Variants in C8orf74 observed in about 807,000 individuals in gnomAD.
C8orf74 encodes the protein uncharacterized protein C8orf74.
In C8orf74, 29 loss-of-function variants were observed where a neutral mutation model predicts 22.2. The observed-to-expected ratio is 1.31, with a 90% CI of 0.97 to 1.78. C8orf74 has a LOEUF of 1.78. Among genes scored for constraint, C8orf74 ranks in the 40% most tolerant of loss-of-function variants. C8orf74 has a pLI of 0.00. For missense variants in C8orf74, 515 were observed against 369.9 expected (o/e 1.39, Z -3.22); for synonymous variants, 255 against 163.1 (o/e 1.56, Z -4.30).
intron 2 of C8orf74, chr8:10,693,062 G>C (rs1008232101): frequency 6.6e-6 from 1 of 152,322 alleles, no homozygotes; most frequent in Non-Finnish European, 1.5e-5. Context: ...CTGGGAGTGG[G>C]ACCCCTGTAG....
rs559799778 is a variant in C8orf74, at chr8:10,691,219, TGTATGACCTCTTAGGAGCAG to T, written c.242-6377_242-6358del. ...CCCAGGACAAGGTCTACACTTGGTT[TGTATGACCTCTTAGGAGCAG>T]GTCACAGCCCATGGCCACAGTGGGG... On this transcript the variant is annotated intron_variant, in intron 2 of 3. Coordinates refer to ENST00000304519, the MANE Select transcript of C8orf74 (RefSeq NM_001040032.2). 205 of 320,712 alleles carry T rather than the reference TGTATGACCTCTTAGGAGCAG, an allele frequency of 6.4e-4. No homozygotes were observed. The East Asian group carries it at 0.012, about 19-fold the overall frequency. The allele number at this position is 320,712 out of a possible 1,614,324, so 19.9% of individuals were successfully genotyped here. A position where few individuals can be genotyped will look rare whatever the true frequency, so the allele number is the denominator to read the frequency against.
intron 2 of C8orf74, among the ~76,000 whole-genome samples, chr8:10,686,914 C>T (rs73666407): frequency 0.02 from 2,983 of 152,260 alleles, 97 homozygotes; most frequent in African/African-American, 0.069. Flanking sequence ...TTTGAGTGAC[C>T]AGGAAAGAAA....
At chr8:10,695,103 G>T (rs900531788) in intron 2 of C8orf74, among the ~76,000 whole-genome samples, 1 of 152,066 alleles carries the variant, frequency 6.6e-6, no homozygotes, top group South Asian at 2.1e-4. Flanking sequence ...GGGAGGGGAA[G>T]GGGAATGGAG....
chr8:10,674,629 C>T lies in C8orf74; in HGVS notation c.49-17C>T. ...CCCCCACATCATACCCTGCAGTTCCCATGTCATTCCCTGCAGAGACCACAA... is the reference window on the plus strand; with the variant it reads ...CCCCCACATCATACCCTGCAGTTCCTATGTCATTCCCTGCAGAGACCACAA... On this transcript the variant is annotated splice_polypyrimidine_tract_variant and intron_variant, in intron 1 of 3. Transcript: ENST00000304519. 3 of 1,595,130 alleles carry T rather than the reference C, an allele frequency of 1.9e-6. No individual in the cohort carries two copies. Among genetic ancestry groups the T allele is most frequent in the South Asian group, 2.3e-5 (2 of 87,288 alleles).
At chr8:10,676,886 C>T (rs1053624296) in intron 2 of C8orf74, among the ~76,000 whole-genome samples, 2 of 152,182 alleles carry the variant, frequency 1.3e-5, no homozygotes, top group Admixed American at 6.5e-5. Context: ...CAGCCGCAAG[C>T]AGGTGGGAAG....
Position 10,678,896 on chromosome 8 carries a change from C to T in C8orf74, c.241+4058C>T, listed in dbSNP as rs1001725078. ...AGGCTGGCCCAGGTGGCGTCCTAGT[C>T]AGCACCTGTGTTCTTACTGCCTTGC... On this transcript the variant is annotated intron_variant, in intron 2 of 3. Transcript: ENST00000304519. Among the ~76,000 whole-genome samples, 3 of 152,224 alleles carry T rather than the reference C, an allele frequency of 2.0e-5. No individual in the cohort carries two copies. In the East Asian group the frequency reaches 5.8e-4, roughly 29 times the overall value.
At position 10,697,832 on chromosome 8, in the gene C8orf74, A is replaced by T. The variant is rs760970080; in HGVS notation, c.475A>T (p.Arg159Trp). 6.2e-6 allele frequency: 10 copies of T among 1,613,794 alleles called. No individual in the cohort carries two copies. The highest frequency in any genetic ancestry group is 8.5e-6 in the Non-Finnish European group (10 of 1,179,794). ...HPLPLAEGMD[R>W]DLWIHEQQVA... is the part of the protein sequence containing the mutation. Reference sequence around the variant, plus strand: ...CCTCCCGCTGGCCGAGGGCATGGACAGGGACTTGTGGATCCACGAGCAGCA... The same window carrying T: ...CCTCCCGCTGGCCGAGGGCATGGACTGGGACTTGTGGATCCACGAGCAGCA... Residue 159 changes from arginine (R) to tryptophan (W), a missense_variant, in exon 3 of 4, where the codon AGG becomes TGG. Coordinates refer to ENST00000304519, the MANE Select transcript of C8orf74 (RefSeq NM_001040032.2).
Position 10,700,261 on chromosome 8 carries a change from A to G in C8orf74, c.675A>G (p.Ala225=). The G allele has an allele frequency of 6.2e-7, 1 of 1,607,040 alleles. No homozygotes were observed. The highest frequency in any genetic ancestry group is 8.5e-7 in the Non-Finnish European group (1 of 1,174,496). ...AGTTGGAGAGCCTCATCTGCCAGGCAGTCCACACCCAGATGGAGCTCCTGC... is the reference window on the plus strand; with the variant it reads ...AGTTGGAGAGCCTCATCTGCCAGGCGGTCCACACCCAGATGGAGCTCCTGC... ...RQELESLICQ[A]VHTQMELLQE... The change falls in exon 4 of 4, where the codon GCA becomes GCG. Residue 225 remains alanine (A), a synonymous_variant. Transcript: ENST00000304519.
Position 10,685,566 on chromosome 8 carries a change from C to T in C8orf74, c.241+10728C>T, listed in dbSNP as rs79538384. Among the ~76,000 whole-genome samples the T allele has an allele frequency of 2.5e-4, 38 of 152,190 alleles. No individual in the cohort carries two copies. The East Asian group carries it at 7.3e-3, about 29-fold the overall frequency. On this transcript the variant is annotated intron_variant, in intron 2 of 3. Transcript: ENST00000304519. ...GCAAAAGAATAAATATCGTATGAGT[C>T]CGTCTATGAGGAACACAGAGTAGTC... is the stretch of plus-strand genomic sequence containing the variant.
intron 2 of C8orf74, chr8:10,688,736 T>A (rs1389155205): frequency 6.6e-6 from 1 of 152,354 alleles, no homozygotes; most frequent in Non-Finnish European, 1.5e-5. Context: ...CTGCTCCTCT[T>A]CCCCCATGGG....
intron 2 of C8orf74, among the ~76,000 whole-genome samples, chr8:10,677,479 A>G (rs749283346): frequency 2.0e-5 from 3 of 152,194 alleles, no homozygotes; most frequent in Non-Finnish European, 4.4e-5. Context: ...CATTTTATTT[A>G]TTTAACATAT....
At chr8:10,698,543 C>T (rs1799581185) in intron 3 of C8orf74, among the ~76,000 whole-genome samples, 1 of 152,092 alleles carries the variant, frequency 6.6e-6, no homozygotes, top group Admixed American at 6.6e-5. Flanking sequence ...AGACTTTGGG[C>T]TGCCCTCTTG....
At chr8:10,695,249 A>C (rs1364851020) in intron 2 of C8orf74, among the ~76,000 whole-genome samples, 1 of 152,138 alleles carries the variant, frequency 6.6e-6, no homozygotes, top group East Asian at 1.9e-4. Flanking sequence ...CAGTATCACT[A>C]TTCTGAATTT....
rs928712057 is a variant in C8orf74, at chr8:10,672,674, C to T, written c.9C>T (p.Leu3=). ...AACCAGATGCAGGGGCCATGGCACTCTTAACACCCCAGGGAGTGAAAGAAG... is the reference window on the plus strand; with the variant it reads ...AACCAGATGCAGGGGCCATGGCACTTTTAACACCCCAGGGAGTGAAAGAAG... The part of the protein sequence containing the change: MA[L]LTPQGVKEVF... The change falls in exon 1 of 4, where the codon CTC becomes CTT. Residue 3 remains leucine, a synonymous_variant. Transcript: ENST00000304519. The T allele has an allele frequency of 1.9e-6, 3 of 1,565,668 alleles. No homozygotes were observed. Among genetic ancestry groups the T allele is most frequent in the Admixed American group, 3.8e-5 (2 of 53,056 alleles).
At chr8:10,689,995 G>A (rs112010077) in intron 2 of C8orf74, among the ~76,000 whole-genome samples, 7 of 152,102 alleles carry the variant, frequency 4.6e-5, no homozygotes, top group Admixed American at 1.3e-4. Flanking sequence ...CTCCTTCCTC[G>A]TGCAGTTCCA....
chr8:10,673,127 C>G (rs1267117373), intron 1 of C8orf74, among the ~76,000 whole-genome samples: 1 of 152,120 alleles, frequency 6.6e-6, no homozygotes, highest in African/African-American at 2.4e-5. Flanking sequence ...GGACAGGACT[C>G]TAGGCCTCCC....
intron 2 of C8orf74, among the ~76,000 whole-genome samples, chr8:10,679,340 C>G (rs930593431): frequency 3.9e-5 from 6 of 152,156 alleles, no homozygotes; most frequent in Non-Finnish European, 5.9e-5. Context: ...TCCTGCATGC[C>G]CCGCCCGGAC....
In C8orf74 at chr8:10,697,633, G is replaced by C. The variant is rs751696153; in HGVS notation, c.276G>C (p.Gly92=). Residue 92 remains glycine (G), a synonymous_variant, in exon 3 of 4, where the codon GGG becomes GGC. Transcript: ENST00000304519. The stretch of plus-strand genomic sequence containing the variant: ...TTACTGAGGCTGTGACGATCCTGGG[G>C]AACAAGCTTAGAGATTACCGGGGCC... ...CSITEAVTIL[G]NKLRDYRGHF... 2 of 1,613,934 alleles carry C rather than the reference G, an allele frequency of 1.2e-6. No homozygotes were observed. The highest frequency in any genetic ancestry group is 1.3e-5 in the African/African-American group (1 of 75,028).
chr8:10,676,962 T>G (rs532652768), intron 2 of C8orf74, among the ~76,000 whole-genome samples: 2 of 152,340 alleles, frequency 1.3e-5, no homozygotes, highest in African/African-American at 4.8e-5. Flanking sequence ...TCGATGATGA[T>G]GCAAACCCAA....
Sources: allele counts gnomAD v4.1 joint callset (sites outside exome capture counted in the v4.1 genomes callset), GRCh38; gene constraint gnomAD v4.1.1; transcripts MANE v1.5; gene names NCBI Gene and HGNC (gene_info 2026-07-23, HGNC 2026-07-21).